Variants in SRL observed in about 807,000 individuals in gnomAD.
The protein encoded by SRL is sarcalumenin.
In SRL, 23 loss-of-function variants were observed where a neutral mutation model predicts 39.5. The ratio of observed to expected loss-of-function variants is 0.58; its 90% CI spans 0.42 to 0.82. The LOEUF (loss-of-function observed/expected upper bound fraction) is 0.82, where lower values mean the gene tolerates loss of function less well. SRL is among the 40% of genes least tolerant of loss of function. The pLI is 0.00. For synonymous variants in SRL, 272 were observed against 237.4 expected, an observed-to-expected ratio of 1.15 and a Z score of -1.34; for missense variants, 592 against 607.8, an observed-to-expected ratio of 0.97 and a Z score of 0.27.
chr16:4,224,616 C>T (rs543291610), intron 1 of SRL, among the ~76,000 whole-genome samples: 2 of 151,554 alleles, frequency 1.3e-5, no homozygotes, highest in East Asian at 1.9e-4. Flanking sequence ...GAGGCTGAGG[C>T]GGGAGGATGG....
intron 5 of SRL, among the ~76,000 whole-genome samples, chr16:4,194,721 A>G (rs2052112770): frequency 6.6e-6 from 1 of 152,102 alleles, no homozygotes; most frequent in African/African-American, 2.4e-5. Context: ...GCCGTCTCCA[A>G]ACCAAATCAG....
rs377400018 is a variant in SRL, at chr16:4,203,255, A to G, written c.170T>C (p.Leu57Pro). Residue 57 changes from leucine to proline, a missense_variant, in exon 3 of 6, where the codon CTG becomes CCG. Transcript: ENST00000399609. ...GTGGTAGATCTTCCGAAGCCGCTGC[A>G]GCACCGCTGGAGACAGAGAGGGCCG... ...DKPSDDYSAV[L>P]QRLRKIYHSS... The G allele has an allele frequency of 1.1e-5, 17 of 1,613,962 alleles. No homozygotes were observed. The highest frequency in any genetic ancestry group is 1.4e-5 in the Non-Finnish European group (16 of 1,179,942).
At chr16:4,201,931 G>A (rs1475014570) in intron 3 of SRL, among the ~76,000 whole-genome samples, 7 of 152,006 alleles carry the variant, frequency 4.6e-5, no homozygotes, top group African/African-American at 7.2e-5. Flanking sequence ...TGGTATTACA[G>A]GTGTGAGCCA....
intron 1 of SRL, among the ~76,000 whole-genome samples, chr16:4,239,023 C>T (rs1042100451): frequency 6.6e-6 from 1 of 152,154 alleles, no homozygotes; most frequent in Non-Finnish European, 1.5e-5. Flanking sequence ...TGCCCGGCTG[C>T]ACCAAATGAG....
chr16:4,214,679 C>T (rs1048831736), intron 1 of SRL, among the ~76,000 whole-genome samples: 3 of 152,168 alleles, frequency 2.0e-5, no homozygotes, highest in East Asian at 1.9e-4. Context: ...ACCGGGCAAA[C>T]GTGGGCCAGC....
intron 1 of SRL, among the ~76,000 whole-genome samples, chr16:4,240,781 G>C (rs1025124719): frequency 2.6e-5 from 4 of 152,176 alleles, no homozygotes; most frequent in Admixed American, 2.6e-4. Context: ...GGGAGAGGGT[G>C]GCAGCGGCTT....
intron 2 of SRL, among the ~76,000 whole-genome samples, chr16:4,204,149 C>T (rs533973042): frequency 1.4e-4 from 21 of 152,258 alleles, no homozygotes; most frequent in Admixed American, 2.6e-4. Flanking sequence ...TGCTGCAATC[C>T]TTGGGTTTCA....
At chr16:4,241,817 G>A (rs1329892844) in intron 1 of SRL, among the ~76,000 whole-genome samples, 190 bp downstream of exon 1, 1 of 152,200 alleles carries the variant, frequency 6.6e-6, no homozygotes, top group Non-Finnish European at 1.5e-5. Flanking sequence ...CAACTGTGCT[G>A]CTATTCTCCA....
rs934885992 is a variant in SRL at position 4,216,792 on chromosome 16, G to C, written c.62-12158C>G. ...GGAGGAAAGGGAAAGGAAGGGGAAA[G>C]GGATGCAGGCTGGGTTCTGAGACAG... On this transcript the variant is annotated intron_variant, in intron 1 of 5. Transcript: ENST00000399609. 2.1e-4 allele frequency among the ~76,000 whole-genome samples: 32 copies of C among 152,306 alleles called. 1 individual carries two copies. The highest frequency in any genetic ancestry group is 9.8e-4 in the Admixed American group (15 of 15,300).
chr16:4,234,440 C>T lies in SRL; in HGVS notation c.61+7567G>A, dbSNP rs1053664487. On this transcript the variant is annotated intron_variant, in intron 1 of 5. Coordinates refer to ENST00000399609, the MANE Select transcript of SRL (RefSeq NM_001098814.2). ...TGACAGACAATGAGGAAGTCACAGGCAACAGGCATGTCCCCAAGGTAGGGG... is the reference window on the plus strand; with the variant it reads ...TGACAGACAATGAGGAAGTCACAGGTAACAGGCATGTCCCCAAGGTAGGGG... Among the ~76,000 whole-genome samples the T allele has an allele frequency of 7.9e-5, 12 of 152,202 alleles. No homozygotes were observed. The East Asian group carries it at 2.1e-3, about 27-fold the overall frequency.
chr16:4,202,357 G>T (rs890013579), intron 3 of SRL, among the ~76,000 whole-genome samples: 2 of 152,200 alleles, frequency 1.3e-5, no homozygotes, highest in Non-Finnish European at 2.9e-5. Flanking sequence ...ACTTTGGGAG[G>T]CCGAAGCGGG....
In SRL at chr16:4,236,936, A is replaced by G. The variant is rs113643172; in HGVS notation, c.61+5071T>C. The stretch of plus-strand genomic sequence containing the variant: ...ATTACAGGTGTAAGCCACTGCACCC[A>G]GCCGTGAACTTTTTTTTTTTTTTGA... On this transcript the variant is annotated intron_variant, in intron 1 of 5. Transcript: ENST00000399609. 4.0e-3 allele frequency among the ~76,000 whole-genome samples: 604 copies of G among 150,344 alleles called. 5 individuals are homozygous for G. Among genetic ancestry groups the G allele is most frequent in the African/African-American group, 0.014 (579 of 40,972 alleles).
chr16:4,227,875 T>A (rs2052610453), intron 1 of SRL, among the ~76,000 whole-genome samples: 1 of 152,138 alleles, frequency 6.6e-6, no homozygotes, highest in Non-Finnish European at 1.5e-5. Context: ...AAGATCTTAT[T>A]GGAGGGAAAG....
At chr16:4,205,447 T>C (rs1365839642) in intron 1 of SRL, among the ~76,000 whole-genome samples, 2 of 151,978 alleles carry the variant, frequency 1.3e-5, no homozygotes, top group Non-Finnish European at 2.9e-5. Flanking sequence ...TAAAATGTAA[T>C]CATTACAGAT....
intron 1 of SRL, chr16:4,208,249 G>C (rs1280433324): frequency 5.6e-6 from 2 of 354,314 alleles, no homozygotes; most frequent in African/African-American, 4.3e-5. Context: ...TGGGTCTTCA[G>C]GACTACCTCG....
chr16:4,209,474 T>G (rs1355629823), intron 1 of SRL, among the ~76,000 whole-genome samples: 2 of 151,996 alleles, frequency 1.3e-5, no homozygotes, highest in Non-Finnish European at 2.9e-5. Context: ...ACCCCACCTA[T>G]CTGCTGGATG....
At chr16:4,199,845 T>C (rs1025160912) in intron 3 of SRL, among the ~76,000 whole-genome samples, 2 of 151,854 alleles carry the variant, frequency 1.3e-5, no homozygotes, top group Non-Finnish European at 2.9e-5. Context: ...TACAGGTGCG[T>C]GCCACCACGC....
intron 1 of SRL, among the ~76,000 whole-genome samples, chr16:4,205,682 G>C (rs1007482231): frequency 1.1e-4 from 17 of 152,130 alleles, no homozygotes; most frequent in Non-Finnish European, 2.2e-4. Context: ...GGGAGGCCTG[G>C]GTGCTGGGGA....
intron 3 of SRL, among the ~76,000 whole-genome samples, chr16:4,199,008 A>G (rs933019470): frequency 6.6e-6 from 1 of 152,058 alleles, no homozygotes; most frequent in African/African-American, 2.4e-5. Flanking sequence ...CTTATTGCAG[A>G]TTTTCAGGCC....
Sources: allele counts gnomAD v4.1 joint callset (sites outside exome capture counted in the v4.1 genomes callset), GRCh38; gene constraint gnomAD v4.1.1; transcripts MANE v1.5; gene names NCBI Gene and HGNC (gene_info 2026-07-23, HGNC 2026-07-21).